Variants in C2orf76 observed in about 807,000 individuals in gnomAD.
The protein encoded by C2orf76 is chromosome 2 open reading frame 76, also known as UPF0538 protein C2orf76.
In C2orf76, 23 loss-of-function variants were observed where a neutral mutation model predicts 16.9. The observed-to-expected ratio is 1.36, with a 90% CI of 0.98 to 1.93. The LOEUF (loss-of-function observed/expected upper bound fraction) is 1.93, where lower values mean the gene tolerates loss of function less well. Among genes scored for constraint, C2orf76 ranks in the 30% most tolerant of loss-of-function variants. C2orf76 has a pLI of 0.00. For missense variants in C2orf76, 152 were observed against 152.6 expected (o/e 1.00, Z 0.02); for synonymous variants, 48 against 52.3 (o/e 0.92, Z 0.35).
chr2:119,342,516 G>A (rs1680065568), intron 1 of C2orf76, among the ~76,000 whole-genome samples: 1 of 151,944 alleles, frequency 6.6e-6, no homozygotes, highest in South Asian at 2.1e-4. Context: ...GGAGGCTGAG[G>A]CAGGAGTATC....
At chr2:119,305,922 G>C (rs1200964840) in intron 5 of C2orf76, among the ~76,000 whole-genome samples, 1 of 117,640 alleles carries the variant, frequency 8.5e-6, no homozygotes, top group South Asian at 2.8e-4. Context: ...AAAACAACTA[G>C]CCAAAAAAAA....
intron 1 of C2orf76, among the ~76,000 whole-genome samples, chr2:119,365,263 G>A (rs1399447204): frequency 6.6e-6 from 1 of 152,134 alleles, no homozygotes; most frequent in Non-Finnish European, 1.5e-5. Flanking sequence ...TTTCCATCAA[G>A]GAAGCTGTAA....
the C2orf76 span, among the ~76,000 whole-genome samples, chr2:119,286,781 A>G: frequency 6.6e-6 from 1 of 152,174 alleles, no homozygotes; most frequent in Non-Finnish European, 1.5e-5. Context: ...CTCTGCGGTC[A>G]GGATGAGAAA....
intron 1 of C2orf76, among the ~76,000 whole-genome samples, chr2:119,352,450 G>C (rs1680435719): frequency 6.6e-6 from 1 of 152,194 alleles, no homozygotes; most frequent in Non-Finnish European, 1.5e-5. Context: ...AACCTAACCT[G>C]CAAGTGTATT....
intron 1 of C2orf76, among the ~76,000 whole-genome samples, chr2:119,355,765 G>C (rs890710667): frequency 6.6e-6 from 1 of 152,142 alleles, no homozygotes; most frequent in African/African-American, 2.4e-5. Context: ...TGAAAAAACT[G>C]TCTTCCATGA....
intron 1 of C2orf76, among the ~76,000 whole-genome samples, chr2:119,352,608 C>G (rs1276804204): frequency 6.6e-6 from 1 of 152,196 alleles, no homozygotes; most frequent in Non-Finnish European, 1.5e-5. Context: ...TGTTTTCTGT[C>G]TATAAATACC....
intron 2 of C2orf76, among the ~76,000 whole-genome samples, chr2:119,332,661 T>C (rs1170539877): frequency 2.0e-5 from 3 of 152,324 alleles, no homozygotes; most frequent in East Asian, 3.9e-4. Context: ...CTGCCATCCC[T>C]AGGTTAGCAC....
intron 3 of C2orf76, 106 bp downstream of exon 3, chr2:119,321,048 G>T: frequency 1.8e-6 from 1 of 544,458 alleles, no homozygotes; most frequent in South Asian, 3.1e-5. Flanking sequence ...CTTCCAAATT[G>T]GTTTTTATTT....
At chr2:119,349,802 C>T (rs1366032461) in intron 1 of C2orf76, among the ~76,000 whole-genome samples, 1 of 152,120 alleles carries the variant, frequency 6.6e-6, no homozygotes, top group African/African-American at 2.4e-5. Flanking sequence ...CACTCGATGT[C>T]GATGTCATCT....
chr2:119,301,559 G>A (rs10200633), downstream of C2orf76, among the ~76,000 whole-genome samples: 55,309 of 151,324 alleles, frequency 0.37, 10,391 homozygotes, highest in South Asian at 0.43. Flanking sequence ...CAATGGCAGA[G>A]CTGGCTAAGC....
chr2:119,296,612 G>A, the C2orf76 span, among the ~76,000 whole-genome samples: 5,897 of 152,260 alleles, frequency 0.039, 361 homozygotes, highest in African/African-American at 0.13. Flanking sequence ...CTCAGGCCAG[G>A]CCAGTTCTCT....
At chr2:119,360,017 G>A (rs1032908028) in intron 1 of C2orf76, among the ~76,000 whole-genome samples, 1 of 152,120 alleles carries the variant, frequency 6.6e-6, no homozygotes, top group South Asian at 2.1e-4. Context: ...ATCATTGTTA[G>A]CTTATTTTAA....
chr2:119,344,928 T>G (rs897380758), intron 1 of C2orf76, among the ~76,000 whole-genome samples: 1 of 152,164 alleles, frequency 6.6e-6, no homozygotes, highest in Non-Finnish European at 1.5e-5. Context: ...AAAGATAGTT[T>G]CCTTAATAAA....
intron 2 of C2orf76, among the ~76,000 whole-genome samples, chr2:119,327,087 C>T (rs561304529): frequency 2.3e-4 from 35 of 152,230 alleles, no homozygotes; most frequent in Middle Eastern, 3.4e-3. Flanking sequence ...AACTCCAGTA[C>T]AATGTTGAAT....
chr2:119,347,173 C>A (rs959293740), intron 1 of C2orf76, among the ~76,000 whole-genome samples: 4 of 152,194 alleles, frequency 2.6e-5, no homozygotes, highest in African/African-American at 9.7e-5. Flanking sequence ...CTCCAGATCT[C>A]ATTCCCAGTT....
intron 1 of C2orf76, among the ~76,000 whole-genome samples, chr2:119,357,051 GA>G (rs1307023653): frequency 6.6e-6 from 1 of 151,912 alleles, no homozygotes; most frequent in African/African-American, 2.4e-5. Context: ...GAGGTGCCTG[GA>G]AAAAAGGAAG....
Position 119,339,947 on chromosome 2 carries a change from C to G in C2orf76, c.13G>C (p.Glu5Gln), listed in dbSNP as rs1204951287. 8.7e-6 allele frequency: 14 copies of G among 1,610,218 alleles called. No individual in the cohort carries two copies. Among genetic ancestry groups the G allele is most frequent in the Non-Finnish European group, 1.2e-5 (14 of 1,176,772 alleles). Residue 5 changes from glutamate to glutamine, a missense_variant, in exon 2 of 6, where the codon GAA becomes CAA. Glu to Gln is a conservative substitution (Grantham distance 29, BLOSUM62 2). Transcript: ENST00000334816. ...ATGAGGCGAACTGTGATGGTCACTT[C>G]TCCAGGAGCCATGTGAAGAAATTCC... MAPG[E>Q]VTITVRLIRS...
At chr2:119,287,059 G>A in the C2orf76 span, among the ~76,000 whole-genome samples, 10 of 152,094 alleles carry the variant, frequency 6.6e-5, no homozygotes, top group African/African-American at 2.2e-4. Context: ...GGGAAACCTC[G>A]GGCAGGTCAC....
intron 3 of C2orf76, among the ~76,000 whole-genome samples, chr2:119,320,760 G>A (rs1038007767): frequency 4.6e-5 from 7 of 152,130 alleles, no homozygotes; most frequent in Non-Finnish European, 1.0e-4. Flanking sequence ...AATAATGAAT[G>A]ACAACATCTA....
Sources: allele counts gnomAD v4.1 joint callset (sites outside exome capture counted in the v4.1 genomes callset), GRCh38; gene constraint gnomAD v4.1.1; transcripts MANE v1.5; gene names NCBI Gene and HGNC (gene_info 2026-07-23, HGNC 2026-07-21).